The following AHCTF1 variants were observed in gnomAD, a reference collection of about 807,000 sequenced individuals.
AHCTF1 encodes the protein AT-hook containing transcription factor 1, also known as protein ELYS.
Under a neutral mutation model 248.4 loss-of-function variants are expected in AHCTF1, and 24 were observed. The ratio of observed to expected loss-of-function variants is 0.10; its 90% CI spans 0.07 to 0.14. AHCTF1 has a LOEUF of 0.14. AHCTF1 is among the 10% of genes least tolerant of loss of function. The pLI is 1.00. For missense variants in AHCTF1, 2,206 were observed against 2,636.2 expected (o/e 0.84, Z 3.57); for synonymous variants, 786 against 929.8 (o/e 0.85, Z 2.81).
At chr1:246,890,088 T>A in intron 16 of AHCTF1, 29 bp from the exon 17 acceptor site, 3 of 1,491,892 alleles carry the variant, frequency 2.0e-6, no homozygotes, top group Non-Finnish European at 2.8e-6. Flanking sequence ...GAAAAAAAGC[T>A]GGTAATAATC....
chr1:246,864,249 A>G, intron 26 of AHCTF1, 133 bp from the exon 27 acceptor site: 1 of 903,624 alleles, frequency 1.1e-6, no homozygotes. Flanking sequence ...TATTAATGTA[A>G]TCCAAAGTGC....
In AHCTF1 at chr1:246,900,256, A is replaced by C. The variant is rs1664900574; in HGVS notation, c.1251-10T>G. 1.3e-6 allele frequency: 2 copies of C among 1,584,886 alleles called. No individual in the cohort carries two copies. The highest frequency in any genetic ancestry group is 1.7e-6 in the Non-Finnish European group (2 of 1,170,922). ...TAGATATTCTCCTGACCTAAAAGAA[A>C]ATTTAAAACATTACTAAGTCATTGG... On this transcript the variant is annotated splice_polypyrimidine_tract_variant and intron_variant, in intron 9 of 35. Coordinates refer to ENST00000648844, the MANE Select transcript of AHCTF1 (RefSeq NM_001323342.2).
At chr1:246,909,954 C>T (rs1665683020) in intron 4 of AHCTF1, among the ~76,000 whole-genome samples, 1 of 152,162 alleles carries the variant, frequency 6.6e-6, no homozygotes, top group Non-Finnish European at 1.5e-5. Context: ...CTGCTGAGAA[C>T]CACTAGTTTA....
In AHCTF1 at chr1:246,868,915, G is replaced by A. The variant is rs374319977; in HGVS notation, c.3089-1104C>T. Among the ~76,000 whole-genome samples, 10 of 149,126 alleles carry A rather than the reference G, an allele frequency of 6.7e-5. No homozygotes were observed. The East Asian group carries it at 1.8e-3, about 26-fold the overall frequency. On this transcript the variant is annotated intron_variant, in intron 24 of 35. Transcript: ENST00000648844. ...GTTGGAGTGCAGTGGTGTGATCTCG[G>A]CTCACTGCAAGTTCTGCCTCCCGGG...
chr1:246,900,539 T>C lies in AHCTF1; in HGVS notation c.1118-70A>G, dbSNP rs535575182. The C allele has an allele frequency of 4.3e-4, 622 of 1,458,632 alleles. 5 individuals carry two copies. In the South Asian group the frequency reaches 4.9e-3, roughly 12 times the overall value. 90.4% of individuals were successfully genotyped at this position (1,458,632 alleles called of 1,614,324 possible). Reference sequence around the variant, plus strand: ...AAGTAAAATCACCTCAACAGAATTATAGCAAGATTTTCTCATAAATTAAGC... The same window carrying C: ...AAGTAAAATCACCTCAACAGAATTACAGCAAGATTTTCTCATAAATTAAGC... On this transcript the variant is annotated intron_variant, in intron 8 of 35. Coordinates refer to ENST00000648844, the MANE Select transcript of AHCTF1 (RefSeq NM_001323342.2).
At position 246,850,286 on chromosome 1, in the gene AHCTF1, C is replaced by T. The variant is rs1269753183; in HGVS notation, c.5720G>A (p.Arg1907Lys). The T allele has an allele frequency of 1.9e-6, 3 of 1,613,924 alleles. No homozygotes were observed. The highest frequency in any genetic ancestry group is 2.2e-5 in the South Asian group (2 of 91,072). Residue 1907 changes from arginine (R) to lysine (K), a missense_variant, in exon 33 of 36, where the codon AGA (arginine) becomes AAA (lysine). By Grantham distance (26) the Arg-to-Lys change is conservative. Around this residue, in one of 6 missense-constraint regions of AHCTF1, gnomAD observed 469 missense variants for 470.0 expected, o/e 1.00. Coordinates refer to ENST00000648844, the MANE Select transcript of AHCTF1 (RefSeq NM_001323342.2). ...TSPSRMIRKL[R>K]STNLDASENT... ...TTCAGAAGCATCTAAATTAGTACTT[C>T]TCAATTTTCTGATCATTCTGCTAGG... is the stretch of plus-strand genomic sequence containing the variant.
rs1779976 is a variant in AHCTF1, at chr1:246,888,139, G to A, written c.2325+38C>T. On this transcript the variant is annotated intron_variant, in intron 19 of 35. Coordinates refer to ENST00000648844, the MANE Select transcript of AHCTF1 (RefSeq NM_001323342.2). ...CTACTCTTGAAATTTTATAATTTTA[G>A]TAATACATGAAACACTGGATAAAAC... The A allele has an allele frequency of 1.2e-3, 1,898 of 1,590,614 alleles. 30 individuals are homozygous for A. The African/African-American group carries it at 0.023, about 19-fold the overall frequency.
chr1:246,851,670 GA>G (rs1200224295), intron 32 of AHCTF1, among the ~76,000 whole-genome samples: 1 of 151,966 alleles, frequency 6.6e-6, no homozygotes, highest in Non-Finnish European at 1.5e-5. Context: ...AATTTAACTA[GA>G]AATTCTACAT....
chr1:246,842,620 A>G, intron 35 of AHCTF1, 74 bp downstream of exon 35: 1 of 1,052,110 alleles, frequency 9.5e-7, no homozygotes, highest in South Asian at 2.2e-5. Flanking sequence ...TAATAAAAGG[A>G]GGATAGTAGG....
chr1:246,909,314 G>C (rs1406673087), intron 4 of AHCTF1, among the ~76,000 whole-genome samples: 1 of 147,922 alleles, frequency 6.8e-6, no homozygotes, highest in Non-Finnish European at 1.5e-5. Flanking sequence ...CTACTTGGGA[G>C]GCTGAGGCAG....
At chr1:246,914,035 T>C (rs1665983256) in intron 3 of AHCTF1, among the ~76,000 whole-genome samples, 1 of 152,364 alleles carries the variant, frequency 6.6e-6, no homozygotes, top group South Asian at 2.1e-4. Flanking sequence ...ACTGGATCAC[T>C]GACACTTAAC....
Position 246,890,519 on chromosome 1 carries a change from T to A in AHCTF1, c.2050+437A>T, listed in dbSNP as rs1413539595. 2.0e-5 allele frequency among the ~76,000 whole-genome samples: 3 copies of A among 152,172 alleles called. No homozygotes were observed. The East Asian group carries it at 5.8e-4, about 29-fold the overall frequency. On this transcript the variant is annotated intron_variant, in intron 16 of 35. Coordinates refer to ENST00000648844, the MANE Select transcript of AHCTF1 (RefSeq NM_001323342.2). ...TATAGCACAAGTCAAATACCAAAAA[T>A]TATCTTATTGTTGGTACTGGCATAA...
chr1:246,898,313 T>C lies in AHCTF1; in HGVS notation c.1518A>G (p.Ser506=). The C allele has an allele frequency of 6.2e-7, 1 of 1,613,322 alleles. No individual in the cohort carries two copies. The part of the protein sequence containing the change: ...QKETLTFLKK[S]GPSLNELIPD... ...GAATGAGTTCATTGAGTGATGGACCTGATTTCTTTAAAAAAGTCAAAGTCT... is the reference window on the plus strand; with the variant it reads ...GAATGAGTTCATTGAGTGATGGACCCGATTTCTTTAAAAAAGTCAAAGTCT... Residue 506 remains serine (S), a synonymous_variant, in exon 12 of 36, where the codon TCA becomes TCG. Transcript: ENST00000648844.
chr1:246,849,501 T>G, intron 33 of AHCTF1, 114 bp downstream of exon 33: 1 of 1,369,694 alleles, frequency 7.3e-7, no homozygotes, highest in Non-Finnish European at 9.9e-7. Flanking sequence ...TCAATTTTGG[T>G]TTGAGGGGGG....
intron 11 of AHCTF1, 76 bp from the exon 12 acceptor site, chr1:246,898,412 TTAAAATTTAAG>T: frequency 1.4e-6 from 2 of 1,420,782 alleles, no homozygotes; most frequent in Non-Finnish European, 1.9e-6. Context: ...TTAATTACAC[TTAAAATTTAAG>T]TAAAATTTAA....
At chr1:246,923,405 T>G (rs1666714402) in intron 1 of AHCTF1, among the ~76,000 whole-genome samples, 3 of 151,968 alleles carry the variant, frequency 2.0e-5, no homozygotes, top group Admixed American at 2.0e-4. Context: ...ACAGCAAGAC[T>G]CTGTCCCAAA....
intron 27 of AHCTF1, among the ~76,000 whole-genome samples, chr1:246,862,818 G>A (rs1257674657): frequency 6.6e-6 from 1 of 152,078 alleles, no homozygotes; most frequent in Non-Finnish European, 1.5e-5. Context: ...TTCGTCACAC[G>A]AATCCAATAA....
At chr1:246,907,480 T>C (rs1665474513) in intron 5 of AHCTF1, 71 bp downstream of exon 5, 9 of 1,332,746 alleles carry the variant, frequency 6.8e-6, no homozygotes, top group Non-Finnish European at 9.3e-6. Context: ...CTTTCAAATA[T>C]TAGTAAATGA....
intron 21 of AHCTF1, 92 bp downstream of exon 21, chr1:246,885,401 C>A (rs1057179984): frequency 2.8e-6 from 3 of 1,079,902 alleles, no homozygotes; most frequent in African/African-American, 3.2e-5. Flanking sequence ...ACTGACTTAA[C>A]GGCCAATTGT....
Sources: gnomAD v4.1 joint callset for allele counts (sites outside exome capture counted in the v4.1 genomes callset) on GRCh38, gnomAD v4.1.1 for gene constraint, gnomAD v4.1.1 regional missense constraint, MANE v1.5 for transcripts, NCBI Gene and HGNC (gene_info 2026-07-23, HGNC 2026-07-21) for gene names.